Variants in PDE11A observed in about 807,000 individuals in gnomAD.
PDE11A encodes phosphodiesterase 11A.
PDE11A carries 100 observed loss-of-function variants against 100.5 expected under a neutral mutation model. That is an observed-to-expected ratio of 1.00 (90% CI 0.85 to 1.18). The LOEUF (loss-of-function observed/expected upper bound fraction) is 1.18, where lower values mean the gene tolerates loss of function less well. Ranked by LOEUF, PDE11A falls within the 50% of genes most tolerant of loss-of-function variation. The pLI is 0.00. For synonymous variants in PDE11A, 381 were observed against 420.8 expected, an observed-to-expected ratio of 0.91 and a Z score of 1.16; for missense variants, 1,141 against 1,152.6, an observed-to-expected ratio of 0.99 and a Z score of 0.15.
intron 13 of PDE11A, among the ~76,000 whole-genome samples, chr2:177,706,358 A>G (rs745481614): frequency 6.6e-6 from 1 of 152,222 alleles, no homozygotes; most frequent in Non-Finnish European, 1.5e-5. Context: ...TTCGACTGGG[A>G]GCACTTTAAG....
chr2:178,070,372 T>C (rs1169945567), intron 1 of PDE11A, among the ~76,000 whole-genome samples: 2 of 152,214 alleles, frequency 1.3e-5, no homozygotes, highest in Non-Finnish European at 2.9e-5. Context: ...TTGTCAACTT[T>C]CAGATGAAAT....
chr2:177,893,010 A>G (rs193167753), intron 4 of PDE11A, among the ~76,000 whole-genome samples: 1 of 151,544 alleles, frequency 6.6e-6, no homozygotes, highest in Non-Finnish European at 1.5e-5. Flanking sequence ...GGAAGTTTCA[A>G]CTCCCCCCAC....
At chr2:177,673,194 G>A (rs1430049549) in intron 17 of PDE11A, among the ~76,000 whole-genome samples, 4 of 152,184 alleles carry the variant, frequency 2.6e-5, no homozygotes, top group Non-Finnish European at 4.4e-5. Context: ...CTGACTAAAC[G>A]TACAAGAGAG....
intron 10 of PDE11A, among the ~76,000 whole-genome samples, chr2:177,762,826 G>A (rs1329526249): frequency 6.6e-6 from 1 of 152,100 alleles, no homozygotes; most frequent in Non-Finnish European, 1.5e-5. Flanking sequence ...TTGATGTGAG[G>A]GGAGGTCAGG....
At chr2:177,816,455 G>C (rs13423503) in intron 9 of PDE11A, among the ~76,000 whole-genome samples, 2,099 of 124,278 alleles carry the variant, frequency 0.017, 47 homozygotes, top group African/African-American at 0.078. Context: ...TCCTTGTAGT[G>C]AATTCTTCTC....
At chr2:177,716,067 GAA>G (rs1305888260) in intron 12 of PDE11A, among the ~76,000 whole-genome samples, 1 of 152,222 alleles carries the variant, frequency 6.6e-6, no homozygotes, top group Non-Finnish European at 1.5e-5. Flanking sequence ...GGCATCCTGA[GAA>G]AAGAGAACTG....
chr2:177,749,440 T>G (rs2081998176), intron 10 of PDE11A, among the ~76,000 whole-genome samples: 2 of 152,322 alleles, frequency 1.3e-5, no homozygotes, highest in South Asian at 4.1e-4. Context: ...TTATACTTTC[T>G]TCCCAGAGGT....
At chr2:177,965,857 A>G (rs1214723083) in intron 2 of PDE11A, among the ~76,000 whole-genome samples, 1 of 152,206 alleles carries the variant, frequency 6.6e-6, no homozygotes, top group African/African-American at 2.4e-5. Flanking sequence ...TACTGGTTCC[A>G]TATGAATTTT....
At chr2:177,816,505 C>T (rs1453931535) in intron 9 of PDE11A, among the ~76,000 whole-genome samples, 1 of 152,170 alleles carries the variant, frequency 6.6e-6, no homozygotes, top group Non-Finnish European at 1.5e-5. Flanking sequence ...ATTATCTATA[C>T]ATATTCAAAT....
intron 13 of PDE11A, chr2:177,702,483 T>C (rs1156483105): frequency 6.6e-6 from 1 of 152,226 alleles, no homozygotes; most frequent in Non-Finnish European, 1.5e-5. Context: ...TCTTGCTTAT[T>C]GCAGGGGGCT....
At chr2:177,698,406 A>G (rs1193260342) in intron 14 of PDE11A, 2 of 152,182 alleles carry the variant, frequency 1.3e-5, no homozygotes, top group Non-Finnish European at 2.9e-5. Flanking sequence ...TTGTTTTTAA[A>G]GTCAGGACTT....
chr2:178,059,342 G>A (rs559152273), intron 1 of PDE11A, among the ~76,000 whole-genome samples: 10 of 152,236 alleles, frequency 6.6e-5, no homozygotes, highest in East Asian at 1.9e-4. Context: ...ACCCCAGGCC[G>A]GCAGCACCAT....
chr2:178,019,063 T>C (rs1574345510), intron 1 of PDE11A, among the ~76,000 whole-genome samples: 1 of 152,270 alleles, frequency 6.6e-6, no homozygotes, highest in Non-Finnish European at 1.5e-5. Context: ...GTATTTTTCC[T>C]GATAAGGATA....
chr2:177,723,208 A>G (rs1162069000), intron 12 of PDE11A: 1 of 152,146 alleles, frequency 6.6e-6, no homozygotes, highest in Non-Finnish European at 1.5e-5. Flanking sequence ...AAGCTGGTAA[A>G]TAGGATGGAT....
intron 5 of PDE11A, among the ~76,000 whole-genome samples, chr2:177,849,682 C>T (rs181413197): frequency 6.6e-5 from 10 of 151,282 alleles, no homozygotes; most frequent in Non-Finnish European, 8.8e-5. Context: ...CCCAGCTACT[C>T]AGGAGGCTGA....
chr2:178,092,498 C>T (rs1348420105), intron 2 of PDE11A: 1 of 152,072 alleles, frequency 6.6e-6, no homozygotes, highest in African/African-American at 2.4e-5. Flanking sequence ...AACATATTTC[C>T]GAAGTGAAGA....
intron 2 of PDE11A, among the ~76,000 whole-genome samples, chr2:177,918,572 A>G (rs1357627763): frequency 2.0e-5 from 3 of 152,218 alleles, no homozygotes; most frequent in African/African-American, 4.8e-5. Flanking sequence ...CAAATAAATC[A>G]CTAGCTAGTT....
At chr2:177,943,162 G>T (rs1334421766) in intron 2 of PDE11A, among the ~76,000 whole-genome samples, 1 of 152,176 alleles carries the variant, frequency 6.6e-6, no homozygotes, top group Non-Finnish European at 1.5e-5. Context: ...TGGCTATTGT[G>T]AATAATGCTG....
chr2:177,712,905 G>A (rs1484644571), intron 12 of PDE11A, among the ~76,000 whole-genome samples: 1 of 152,034 alleles, frequency 6.6e-6, no homozygotes, highest in Admixed American at 6.5e-5. Flanking sequence ...TAGGATCACT[G>A]GCCCACACCT....
Sources: allele counts gnomAD v4.1 joint callset (sites outside exome capture counted in the v4.1 genomes callset), GRCh38; gene constraint gnomAD v4.1.1; transcripts MANE v1.5; gene names NCBI Gene and HGNC (gene_info 2026-07-23, HGNC 2026-07-21).